The following FBXO34 variants were observed in gnomAD, a reference collection of about 807,000 sequenced individuals.
FBXO34 encodes F-box only protein 34.
Under a neutral mutation model 24.5 loss-of-function variants are expected in FBXO34, and 12 were observed. That is an observed-to-expected ratio of 0.49 (90% CI 0.31 to 0.79). FBXO34 has a LOEUF of 0.79. FBXO34 is among the 30% of genes least tolerant of loss of function. The pLI, the probability that FBXO34 is intolerant of heterozygous loss-of-function variation, is 0.04. For missense variants in FBXO34, 823 were observed against 857.7 expected (o/e 0.96, Z 0.51); for synonymous variants, 320 against 311.9 (o/e 1.03, Z -0.27).
At chr14:55,393,128 T>C in the FBXO34 span, among the ~76,000 whole-genome samples, 1 of 152,176 alleles carries the variant, frequency 6.6e-6, no homozygotes, top group Non-Finnish European at 1.5e-5. Flanking sequence ...ACGCCTGTAA[T>C]CCCAGCACTT....
chr14:55,344,320 C>CT (rs34407492), intron 1 of FBXO34, among the ~76,000 whole-genome samples: 59 of 147,082 alleles, frequency 4.0e-4, no homozygotes, highest in South Asian at 1.1e-3. Context: ...CTTTTACAGA[C>CT]TTTTTTTTTT....
chr14:55,393,781 G>A, the FBXO34 span, among the ~76,000 whole-genome samples: 1 of 151,794 alleles, frequency 6.6e-6, no homozygotes, highest in Non-Finnish European at 1.5e-5. Flanking sequence ...TTCAATTCCT[G>A]GGCTTGAGCA....
At chr14:55,412,973 G>C in the FBXO34 span, among the ~76,000 whole-genome samples, 1 of 152,188 alleles carries the variant, frequency 6.6e-6, no homozygotes, top group Non-Finnish European at 1.5e-5. Flanking sequence ...GAAAACTGGT[G>C]ATTCTACAAG....
intron 1 of FBXO34, among the ~76,000 whole-genome samples, chr14:55,330,617 CA>C (rs928764780): frequency 1.3e-5 from 2 of 151,542 alleles, no homozygotes; most frequent in Admixed American, 6.6e-5. Flanking sequence ...GACATCTCTA[CA>C]AAAAAAATTA....
the FBXO34 span, chr14:55,381,973 G>C: frequency 6.2e-7 from 1 of 1,613,886 alleles, no homozygotes; most frequent in East Asian, 2.2e-5. Flanking sequence ...AGGCCCCTGG[G>C]TTGTTTTCTT....
intron 3 of FBXO34, among the ~76,000 whole-genome samples, chr14:55,360,155 C>T (rs935721877): frequency 4.6e-5 from 7 of 152,222 alleles, no homozygotes; most frequent in African/African-American, 1.7e-4. Context: ...TCACTGCAGC[C>T]TCCACCTCCT....
At chr14:55,382,162 T>A in the FBXO34 span, 4 of 1,614,146 alleles carry the variant, frequency 2.5e-6, no homozygotes, top group Non-Finnish European at 3.4e-6. Flanking sequence ...CATGGCACTG[T>A]CACTCTCTGA....
intron 1 of FBXO34, among the ~76,000 whole-genome samples, chr14:55,275,526 A>C (rs1026601906): frequency 5.3e-5 from 8 of 151,972 alleles, no homozygotes; most frequent in Non-Finnish European, 1.2e-4. Context: ...CAAGAGGATA[A>C]ACTATTGGCC....
intron 1 of FBXO34, among the ~76,000 whole-genome samples, chr14:55,301,149 G>T (rs1882339666): frequency 6.6e-6 from 1 of 152,132 alleles, no homozygotes; most frequent in South Asian, 2.1e-4. Context: ...TAAAAAGAGT[G>T]TTCTTGGCTG....
At chr14:55,365,603 A>G (rs2140108368), downstream of FBXO34, among the ~76,000 whole-genome samples, 2 of 152,320 alleles carry the variant, frequency 1.3e-5, no homozygotes, top group South Asian at 4.2e-4. Flanking sequence ...TTCCTGCATC[A>G]ATCATGACAT....
At chr14:55,437,186 T>C in the FBXO34 span, among the ~76,000 whole-genome samples, 3 of 152,196 alleles carry the variant, frequency 2.0e-5, no homozygotes, top group Non-Finnish European at 4.4e-5. Context: ...CCATTAAGAT[T>C]CTACTACAGG....
At chr14:55,317,235 A>G (rs933792347) in intron 1 of FBXO34, among the ~76,000 whole-genome samples, 6 of 152,262 alleles carry the variant, frequency 3.9e-5, no homozygotes, top group Non-Finnish European at 5.9e-5. Flanking sequence ...AATTTTCAGA[A>G]ATTTTGCAAG....
In FBXO34 at chr14:55,314,269, G is replaced by A. The variant is rs1010886723; in HGVS notation, c.-10-36112G>A. ...AAGATATGAAAAAAAAATGGATTTT[G>A]TTACCACCTTAGGGCACATTCTAGA... On this transcript the variant is annotated intron_variant, in intron 1 of 1. Coordinates refer to ENST00000313833, the MANE Select transcript of FBXO34 (RefSeq NM_017943.4). 2.0e-5 allele frequency among the ~76,000 whole-genome samples: 3 copies of A among 152,048 alleles called. No homozygotes were observed. In the East Asian group the frequency reaches 5.8e-4, roughly 29 times the overall value.
the FBXO34 span, among the ~76,000 whole-genome samples, chr14:55,439,609 A>G: frequency 1.8e-5 from 1 of 56,100 alleles, no homozygotes; most frequent in Non-Finnish European, 3.2e-5. Context: ...TGGGGAGAAA[A>G]GCAAACCCCC....
At chr14:55,390,388 C>A in the FBXO34 span, among the ~76,000 whole-genome samples, 1 of 149,652 alleles carries the variant, frequency 6.7e-6, no homozygotes. Flanking sequence ...TTATTTTTTT[C>A]TTTTGAGACA....
At chr14:55,276,176 C>A (rs1200465327) in intron 1 of FBXO34, among the ~76,000 whole-genome samples, 1 of 152,142 alleles carries the variant, frequency 6.6e-6, no homozygotes, top group Non-Finnish European at 1.5e-5. Flanking sequence ...CCTTTAAAGT[C>A]AGTCCTTTAA....
chr14:55,417,993 C>G, the FBXO34 span, among the ~76,000 whole-genome samples: 4 of 152,144 alleles, frequency 2.6e-5, no homozygotes, highest in African/African-American at 9.7e-5. Flanking sequence ...AATAAACCTT[C>G]TTGTAGAGTT....
intron 1 of FBXO34, among the ~76,000 whole-genome samples, chr14:55,338,631 A>G (rs1883874920): frequency 6.6e-6 from 1 of 152,078 alleles, no homozygotes; most frequent in Admixed American, 6.5e-5. Flanking sequence ...AAAACAGGCC[A>G]GGCGTGGTGC....
the FBXO34 span, among the ~76,000 whole-genome samples, chr14:55,408,651 G>C: frequency 6.6e-6 from 1 of 152,182 alleles, no homozygotes; most frequent in Non-Finnish European, 1.5e-5. Flanking sequence ...CATGCCTGTA[G>C]TCCCACCTAC....
Sources: allele counts gnomAD v4.1 joint callset (sites outside exome capture counted in the v4.1 genomes callset), GRCh38; gene constraint gnomAD v4.1.1; transcripts MANE v1.5; gene names NCBI Gene and HGNC (gene_info 2026-07-23, HGNC 2026-07-21).